EDARADD: variants seen among roughly 807,000 people sequenced by gnomAD.
The protein encoded by EDARADD is ectodysplasin-A receptor-associated adapter protein.
Under a neutral mutation model 25.6 loss-of-function variants are expected in EDARADD, and 20 were observed. That is an observed-to-expected ratio of 0.78 (90% CI 0.55 to 1.14). The LOEUF is 1.14. EDARADD is among the 50% of genes most tolerant of loss of function. The probability of loss-of-function intolerance (pLI) is 0.00; values close to 1 mark genes in which losing one functional copy is unlikely to be tolerated. For missense variants in EDARADD, 225 were observed against 270.1 expected (o/e 0.83, Z 1.17); for synonymous variants, 86 against 94.4 (o/e 0.91, Z 0.52).
chr1:236,389,294 C>T (rs1389299176), upstream of EDARADD, among the ~76,000 whole-genome samples: 2 of 152,268 alleles, frequency 1.3e-5, no homozygotes, highest in Non-Finnish European at 1.5e-5. Flanking sequence ...CATCCCATCC[C>T]TCCTCTCTGC....
chr1:236,405,870 C>T (rs202036971), intron 1 of EDARADD, among the ~76,000 whole-genome samples: 886 of 36,836 alleles, frequency 0.024, 5 homozygotes, highest in Admixed American at 0.033. Flanking sequence ...TCCTTCCTTC[C>T]TTCCTTCTTT....
chr1:236,359,692 A>C (rs1452469319), intron 3 of EDARADD, among the ~76,000 whole-genome samples: 1 of 152,210 alleles, frequency 6.6e-6, no homozygotes, highest in Non-Finnish European at 1.5e-5. Context: ...AAATAGAGAG[A>C]GCTCGTGCAG....
chr1:236,404,921 C>G (rs2103005107), intron 1 of EDARADD, among the ~76,000 whole-genome samples: 1 of 152,162 alleles, frequency 6.6e-6, no homozygotes, highest in South Asian at 2.1e-4. Context: ...TGGGGAAACC[C>G]CATCTCTACT....
intron 4 of EDARADD, among the ~76,000 whole-genome samples, chr1:236,453,013 C>T (rs1009016552): frequency 6.6e-6 from 1 of 152,204 alleles, no homozygotes; most frequent in Non-Finnish European, 1.5e-5. Flanking sequence ...CCCCCACTCC[C>T]ACATAAGGTT....
chr1:236,449,735 TA>T (rs1658658126), intron 4 of EDARADD, among the ~76,000 whole-genome samples: 2 of 152,354 alleles, frequency 1.3e-5, no homozygotes, highest in Admixed American at 1.3e-4. Context: ...GTTATTTGTT[TA>T]AAACTGTTAA....
At chr1:236,441,436 T>C (rs1658396014) in intron 4 of EDARADD, among the ~76,000 whole-genome samples, 2 of 145,392 alleles carry the variant, frequency 1.4e-5, no homozygotes, top group Non-Finnish European at 3.0e-5. Flanking sequence ...GGCATCTTCT[T>C]CCAGGAAAGA....
chr1:236,461,389 C>T (rs1428821854), intron 4 of EDARADD, among the ~76,000 whole-genome samples: 3 of 152,148 alleles, frequency 2.0e-5, no homozygotes, highest in Non-Finnish European at 4.4e-5. Context: ...TTTCCCAGCA[C>T]CATTTATTGA....
At chr1:236,430,509 A>G (rs1263793844) in intron 4 of EDARADD, among the ~76,000 whole-genome samples, 1 of 152,226 alleles carries the variant, frequency 6.6e-6, no homozygotes, top group Non-Finnish European at 1.5e-5. Context: ...AATTTTGGCT[A>G]TATCAAGTAA....
At chr1:236,473,257 G>C (rs1659403505) in intron 5 of EDARADD, among the ~76,000 whole-genome samples, 1 of 152,082 alleles carries the variant, frequency 6.6e-6, no homozygotes, top group Non-Finnish European at 1.5e-5. Context: ...AAGCCTGGTA[G>C]GGGGAGGGTG....
At chr1:236,365,260 C>A (rs1667099687) in intron 3 of EDARADD, among the ~76,000 whole-genome samples, 1 of 151,866 alleles carries the variant, frequency 6.6e-6, no homozygotes, top group South Asian at 2.1e-4. Context: ...ACCTCCCAGG[C>A]TCAAGTGATC....
chr1:236,436,141 T>TAA (rs541668054), intron 4 of EDARADD, among the ~76,000 whole-genome samples: 70 of 145,232 alleles, frequency 4.8e-4, no homozygotes, highest in African/African-American at 1.6e-3. Flanking sequence ...CCATCTCTAT[T>TAA]AAAAAAAAAA....
chr1:236,390,525 C>T (rs538368734), upstream of EDARADD, among the ~76,000 whole-genome samples: 49 of 152,212 alleles, frequency 3.2e-4, no homozygotes, highest in African/African-American at 1.2e-3. Context: ...TGCACTCCAG[C>T]CTGGGGGACA....
At chr1:236,425,110 A>G (rs1657881040) in intron 3 of EDARADD, among the ~76,000 whole-genome samples, 1 of 152,164 alleles carries the variant, frequency 6.6e-6, no homozygotes, top group Non-Finnish European at 1.5e-5. Flanking sequence ...TCATCCAGCC[A>G]GGTGGTTTTG....
rs145810250 is a variant in EDARADD at position 236,429,275 on chromosome 1, C to T, written c.219+1825C>T. 2.3e-3 allele frequency among the ~76,000 whole-genome samples: 348 copies of T among 148,648 alleles called. 2 individuals carry two copies. Among genetic ancestry groups the T allele is most frequent in the African/African-American group, 7.5e-3 (299 of 39,894 alleles). ...ACTCTGGAGTGCAGTGGTGCGATCT[C>T]GGCTCACTGTAACCTCTGCCTCCTG... is the stretch of plus-strand genomic sequence containing the variant. On this transcript the variant is annotated intron_variant, in intron 4 of 5. Coordinates refer to ENST00000334232, the MANE Select transcript of EDARADD (RefSeq NM_145861.4).
At chr1:236,370,548 G>A (rs1192546819) in intron 3 of EDARADD, among the ~76,000 whole-genome samples, 6 of 152,144 alleles carry the variant, frequency 3.9e-5, no homozygotes. Context: ...AGTTTTTAAG[G>A]ATGACTTGGT....
intron 5 of EDARADD, among the ~76,000 whole-genome samples, chr1:236,475,544 C>T (rs897075005): frequency 6.6e-6 from 1 of 152,094 alleles, no homozygotes; most frequent in African/African-American, 2.4e-5. Context: ...GTGGGCAGAT[C>T]ACGGGGTCAG....
At position 236,427,376 on chromosome 1, in the gene EDARADD, T is replaced by C; in HGVS notation, c.161-16T>C. 1.2e-6 allele frequency: 1 copy of C among 866,124 alleles called. No homozygotes were observed. The highest frequency in any genetic ancestry group is 4.2e-5 in the East Asian group (1 of 23,796). 53.7% of individuals were successfully genotyped at this position (866,124 alleles called of 1,614,324 possible). A position where few individuals can be genotyped will look rare whatever the true frequency, so the allele number is the denominator to read the frequency against. On this transcript the variant is annotated splice_polypyrimidine_tract_variant and intron_variant, in intron 3 of 5. Transcript: ENST00000334232. ...CACACTTTGTTTCTTTCTTTCTTTC[T>C]TTTTTTTTTTCCTAGCTGAAGAATG...
chr1:236,403,668 G>T (rs1381471824), intron 1 of EDARADD, among the ~76,000 whole-genome samples: 1 of 152,080 alleles, frequency 6.6e-6, no homozygotes, highest in Non-Finnish European at 1.5e-5. Flanking sequence ...CACCACTCAC[G>T]GACTTTTAAA....
intron 1 of EDARADD, among the ~76,000 whole-genome samples, chr1:236,402,105 G>A (rs1667624095): frequency 6.6e-6 from 1 of 152,148 alleles, no homozygotes; most frequent in Non-Finnish European, 1.5e-5. Flanking sequence ...GAGATTACAG[G>A]CATCCATCAC....
Sources: allele counts gnomAD v4.1 joint callset (sites outside exome capture counted in the v4.1 genomes callset), GRCh38; gene constraint gnomAD v4.1.1; transcripts MANE v1.5; gene names NCBI Gene and HGNC (gene_info 2026-07-23, HGNC 2026-07-21).